The following NOS1AP variants were observed in gnomAD, a reference collection of about 807,000 sequenced individuals.
NOS1AP encodes carboxyl-terminal PDZ ligand of neuronal nitric oxide synthase protein.
NOS1AP carries 21 observed loss-of-function variants against 56.2 expected under a neutral mutation model. The ratio of observed to expected loss-of-function variants is 0.37; its 90% CI spans 0.26 to 0.54. The LOEUF is 0.54. NOS1AP is among the 20% of genes least tolerant of loss of function. The probability of loss-of-function intolerance (pLI) is 0.84; values close to 1 mark genes in which losing one functional copy is unlikely to be tolerated. For synonymous variants in NOS1AP, 270 were observed against 274.6 expected, an observed-to-expected ratio of 0.98 and a Z score of 0.17; for missense variants, 522 against 657.8, an observed-to-expected ratio of 0.79 and a Z score of 2.26.
intron 5 of NOS1AP, among the ~76,000 whole-genome samples, chr1:162,339,037 G>A (rs1206936201): frequency 2.6e-5 from 4 of 152,194 alleles, no homozygotes; most frequent in South Asian, 2.1e-4. Context: ...CTGTGTCAGC[G>A]TGAAAAGATG....
chr1:162,250,695 ATTTAGGCATTTGCC>A (rs1346546826), intron 2 of NOS1AP, among the ~76,000 whole-genome samples: 1 of 152,210 alleles, frequency 6.6e-6, no homozygotes. Flanking sequence ...GGATGTCTAT[ATTTAGGCATTTGCC>A]TACTTGTTAC....
chr1:162,082,264 C>T (rs991162623), intron 1 of NOS1AP, among the ~76,000 whole-genome samples: 1 of 152,090 alleles, frequency 6.6e-6, no homozygotes, highest in African/African-American at 2.4e-5. Context: ...CTGCAAAGGA[C>T]ATGATCTCGT....
intron 4 of NOS1AP, among the ~76,000 whole-genome samples, chr1:162,310,396 T>C (rs1655986094): frequency 6.6e-6 from 1 of 152,218 alleles, no homozygotes. Context: ...TTTGCTAAAC[T>C]GAGGAAACTG....
intron 2 of NOS1AP, among the ~76,000 whole-genome samples, chr1:162,234,347 T>C (rs945007044): frequency 6.6e-6 from 1 of 152,200 alleles, no homozygotes. Context: ...AGGACCACCA[T>C]GCTAAGGAGT....
intron 1 of NOS1AP, among the ~76,000 whole-genome samples, chr1:162,134,403 C>T (rs4638107): frequency 0.24 from 35,508 of 149,216 alleles, 7,782 homozygotes; most frequent in African/African-American, 0.59. Context: ...ATGAAAATCG[C>T]TTGAACCGGG....
chr1:162,194,309 G>C (rs1412922565), intron 2 of NOS1AP, among the ~76,000 whole-genome samples: 1 of 152,138 alleles, frequency 6.6e-6, no homozygotes, highest in African/African-American at 2.4e-5. Context: ...CGATGAGTTT[G>C]CAAGACTGCT....
At chr1:162,343,428 G>A (rs1232152612) in intron 5 of NOS1AP, among the ~76,000 whole-genome samples, 1 of 152,146 alleles carries the variant, frequency 6.6e-6, no homozygotes, top group Non-Finnish European at 1.5e-5. Flanking sequence ...GTCTGCAGGA[G>A]CTCCAGGGAA....
At chr1:162,256,802 T>A (rs1007526650) in intron 2 of NOS1AP, among the ~76,000 whole-genome samples, 11 of 152,204 alleles carry the variant, frequency 7.2e-5, no homozygotes, top group African/African-American at 2.7e-4. Context: ...AGTTTTGAAA[T>A]GCCAGGGACG....
intron 2 of NOS1AP, among the ~76,000 whole-genome samples, chr1:162,192,545 G>A (rs1053537525): frequency 1.3e-5 from 2 of 152,114 alleles, no homozygotes; most frequent in Admixed American, 6.6e-5. Flanking sequence ...CTTGAAGACT[G>A]GCTTTACCAC....
chr1:162,118,836 G>T (rs1648078255), intron 1 of NOS1AP, among the ~76,000 whole-genome samples: 1 of 152,106 alleles, frequency 6.6e-6, no homozygotes, highest in Non-Finnish European at 1.5e-5. Flanking sequence ...ATCTCTTTTG[G>T]ACTCTGTGAG....
At chr1:162,236,673 G>A (rs1473442966) in intron 2 of NOS1AP, among the ~76,000 whole-genome samples, 2 of 152,162 alleles carry the variant, frequency 1.3e-5, no homozygotes, top group Non-Finnish European at 2.9e-5. Flanking sequence ...CTTTGGTGGG[G>A]GATGGGGGGG....
rs1557853895 is a variant in NOS1AP, at chr1:162,261,515, A to AAGAGAG, written c.178-25829_178-25828insAGAGAG. On this transcript the variant is annotated intron_variant, in intron 2 of 9. Coordinates refer to ENST00000361897, the MANE Select transcript of NOS1AP (RefSeq NM_014697.3). The stretch of plus-strand genomic sequence containing the variant: ...GAGAGAGAGAGAGAGAGAGAGAGAG[A>AAGAGAG]GAGAGAGAGAGAGAGAGAGAGAGAG... 3.7e-4 allele frequency among the ~76,000 whole-genome samples: 9 copies of AAGAGAG among 24,600 alleles called. 2 individuals carry two copies. The highest frequency in any genetic ancestry group is 9.1e-4 in the African/African-American group (8 of 8,820). 16.1% of individuals were successfully genotyped at this position (24,600 alleles called of 152,430 possible).
intron 4 of NOS1AP, among the ~76,000 whole-genome samples, chr1:162,309,226 T>A (rs182767850): frequency 3.0e-4 from 45 of 152,320 alleles, no homozygotes; most frequent in African/African-American, 1.1e-3. Context: ...ATGATCAAGA[T>A]GAGCAAGATT....
At chr1:162,220,999 T>TG (rs1233684748) in intron 2 of NOS1AP, among the ~76,000 whole-genome samples, 1 of 152,222 alleles carries the variant, frequency 6.6e-6, no homozygotes, top group Non-Finnish European at 1.5e-5. Context: ...TGGAGTGCCG[T>TG]GGTGTGATCT....
intron 1 of NOS1AP, among the ~76,000 whole-genome samples, chr1:162,129,945 A>G (rs1004790729): frequency 6.6e-6 from 1 of 152,246 alleles, no homozygotes; most frequent in African/African-American, 2.4e-5. Flanking sequence ...TCCCACAGTA[A>G]TGAATATGCT....
At chr1:162,190,097 A>G (rs1480351558) in intron 2 of NOS1AP, among the ~76,000 whole-genome samples, 1 of 152,168 alleles carries the variant, frequency 6.6e-6, no homozygotes, top group African/African-American at 2.4e-5. Context: ...ATGCCAAGTG[A>G]GATTTTGTGG....
At chr1:162,303,126 T>A (rs1340741237) in intron 4 of NOS1AP, among the ~76,000 whole-genome samples, 1 of 152,238 alleles carries the variant, frequency 6.6e-6, no homozygotes, top group African/African-American at 2.4e-5. Flanking sequence ...AAAGGATCTA[T>A]GAATGTTTGT....
chr1:162,227,954 G>A (rs1380547496), intron 2 of NOS1AP, among the ~76,000 whole-genome samples: 1 of 152,168 alleles, frequency 6.6e-6, no homozygotes, highest in Non-Finnish European at 1.5e-5. Flanking sequence ...ATCGGAGAAA[G>A]ACAGGAGCGT....
At chr1:162,127,041 G>A (rs988092159) in intron 1 of NOS1AP, among the ~76,000 whole-genome samples, 4 of 152,136 alleles carry the variant, frequency 2.6e-5, no homozygotes, top group Non-Finnish European at 1.5e-5. Context: ...GTAAGATTGA[G>A]CATCTTTTCA....
Sources: gnomAD v4.1 joint callset for allele counts (sites outside exome capture counted in the v4.1 genomes callset) on GRCh38, gnomAD v4.1.1 for gene constraint, MANE v1.5 for transcripts, NCBI Gene and HGNC (gene_info 2026-07-23, HGNC 2026-07-21) for gene names.